The following NFRKB variants were observed in gnomAD, a reference collection of about 807,000 sequenced individuals.
The protein encoded by NFRKB is nuclear factor related to kappa-B-binding protein.
In NFRKB, 62 loss-of-function variants were observed where a neutral mutation model predicts 135.7. The observed-to-expected ratio is 0.46, with a 90% CI of 0.37 to 0.56. NFRKB has a LOEUF of 0.56. NFRKB is among the 20% of genes least tolerant of loss of function. The pLI, the probability that NFRKB is intolerant of heterozygous loss-of-function variation, is 0.00. For missense variants in NFRKB, 1,545 were observed against 1,662.0 expected (o/e 0.93, Z 1.22); for synonymous variants, 678 against 635.6 (o/e 1.07, Z -1.00).
chr11:129,863,973 C>T lies in NFRKB; in HGVS notation c.*752G>A, dbSNP rs1402907651. 1 of 152,278 alleles carries T rather than the reference C, an allele frequency of 6.6e-6. No individual in the cohort carries two copies. Among genetic ancestry groups the T allele is most frequent in the African/African-American group, 2.4e-5 (1 of 41,452 alleles). The allele number at this position is 152,278 out of a possible 1,614,324, so 9.4% of individuals were successfully genotyped here. A position where few individuals can be genotyped will look rare whatever the true frequency, so the allele number is the denominator to read the frequency against. Reference sequence around the variant, plus strand: ...TGGACGTCCATGTGAACAGGCTTGCCAAGAAGGACAAAGTGGGCAGGTAAA... The same window carrying T: ...TGGACGTCCATGTGAACAGGCTTGCTAAGAAGGACAAAGTGGGCAGGTAAA... On this transcript the variant is annotated 3_prime_UTR_variant, in exon 27 of 27. Coordinates refer to ENST00000682444, the MANE Select transcript of NFRKB (RefSeq NM_001143835.2).
intron 1 of NFRKB, among the ~76,000 whole-genome samples, 165 bp from the exon 2 acceptor site, chr11:129,894,603 C>T (rs779958755): frequency 6.6e-6 from 1 of 152,196 alleles, no homozygotes; most frequent in Admixed American, 6.5e-5. Flanking sequence ...GATTTCAGAT[C>T]CATGTAAAGA....
intron 3 of NFRKB, 107 bp downstream of exon 3, chr11:129,892,608 A>G (rs545047413): frequency 1.5e-5 from 18 of 1,218,884 alleles, no homozygotes; most frequent in Admixed American, 4.2e-5. Context: ...TAGAAAATGA[A>G]CAAAAGGGAG....
Position 129,885,301 on chromosome 11 carries a change from C to T in NFRKB, c.640+134G>A, listed in dbSNP as rs906115375. 6.1e-6 allele frequency: 6 copies of T among 991,696 alleles called. No individual in the cohort carries two copies. In the African/African-American group the frequency reaches 6.6e-5, roughly 11 times the overall value. 61.4% of individuals were successfully genotyped at this position (991,696 alleles called of 1,614,324 possible). The stretch of plus-strand genomic sequence containing the variant: ...AAAGACCAAGGCCTTCTGAGTCCCG[C>T]TATGCACCCCAGACCAGACAACTCA... On this transcript the variant is annotated intron_variant, in intron 6 of 26. Transcript: ENST00000682444.
At chr11:129,891,279 G>A (rs756053231) in intron 3 of NFRKB, among the ~76,000 whole-genome samples, 4 of 152,192 alleles carry the variant, frequency 2.6e-5, no homozygotes, top group Non-Finnish European at 5.9e-5. Context: ...CCTCTCCCAT[G>A]CACCAATACG....
chr11:129,886,386 G>A lies in NFRKB; in HGVS notation c.396C>T (p.Tyr132=), dbSNP rs755217702. 5 of 1,613,994 alleles carry A rather than the reference G, an allele frequency of 3.1e-6. No individual in the cohort carries two copies. The African/African-American group carries it at 6.7e-5, about 22-fold the overall frequency. ...GCTGCTGGGAGTTGAGGTAGCGCTT[G>A]TACTGTGACTTGAAGCATAACTGCC... ...KYRQLCFKSQ[Y]KRYLNSQQQY... The change falls in exon 5 of 27, where the codon TAC becomes TAT. Residue 132 remains tyrosine (Y), a synonymous_variant. Coordinates refer to ENST00000682444, the MANE Select transcript of NFRKB (RefSeq NM_001143835.2).
chr11:129,878,278 A>T, intron 15 of NFRKB, 31 bp downstream of exon 15: 1 of 1,610,208 alleles, frequency 6.2e-7, no homozygotes, highest in Non-Finnish European at 8.5e-7. Flanking sequence ...GTTTCCCAGG[A>T]CACCACCCAC....
rs751817059 is a variant in NFRKB, at chr11:129,877,420, G to A, written c.1512-35C>T. ...AAAGAATTCTGTATCAACCCTGACA[G>A]CTGGCACGTGTGTCAGACCCATTGC... On this transcript the variant is annotated intron_variant, in intron 15 of 26. Transcript: ENST00000682444. 1.1e-5 allele frequency: 17 copies of A among 1,594,028 alleles called. No homozygotes were observed. The South Asian group carries it at 1.8e-4, about 17-fold the overall frequency.
At position 129,892,874 on chromosome 11, in the gene NFRKB, G is replaced by A. The variant is rs149743835; in HGVS notation, c.-21-4C>T. ...TTGTTTCTTCTCCACAGGTACTCTG[G>A]ACAAAGACATGCATCTTGAGACAGA... On this transcript the variant is annotated splice_region_variant and splice_polypyrimidine_tract_variant and intron_variant, in intron 2 of 26. Transcript: ENST00000682444. The A allele has an allele frequency of 6.2e-7, 1 of 1,614,056 alleles. No individual in the cohort carries two copies. The highest frequency in any genetic ancestry group is 8.5e-7 in the Non-Finnish European group (1 of 1,180,042).
chr11:129,874,059 C>A lies in NFRKB; in HGVS notation c.2280-44G>T. On this transcript the variant is annotated intron_variant, in intron 21 of 26. Transcript: ENST00000682444. The surrounding 1 kb of genome is among the most constrained non-coding windows in gnomAD (Gnocchi z 4.5). ...AAAGACAAAAAACAAAAACTTAGGACATGCATACAAAAGAACTCTAGAACG... is the reference window on the plus strand; with the variant it reads ...AAAGACAAAAAACAAAAACTTAGGAAATGCATACAAAAGAACTCTAGAACG... 1 of 1,598,756 alleles carries A rather than the reference C, an allele frequency of 6.3e-7. No homozygotes were observed. Among genetic ancestry groups the A allele is most frequent in the Non-Finnish European group, 8.6e-7 (1 of 1,169,382 alleles).
In NFRKB at chr11:129,881,824, T is replaced by C. The variant is rs569377377; in HGVS notation, c.1221A>G (p.Ser407=). Residue 407 remains serine, a synonymous_variant, in exon 12 of 27, where the codon TCA becomes TCG. Transcript: ENST00000682444. ...MLEERVLDWQ[S]SPASSLNSWF... ...AGCTGTTGAGGGAGCTGGCTGGCGA[T>C]GACTGCCAATCCAAAACTCGCTCCT... 2.5e-6 allele frequency: 4 copies of C among 1,611,940 alleles called. No homozygotes were observed. The African/African-American group carries it at 4.0e-5, about 16-fold the overall frequency.
chr11:129,880,085 TAGG>T, intron 13 of NFRKB, among the ~76,000 whole-genome samples: 1 of 151,568 alleles, frequency 6.6e-6, no homozygotes, highest in Non-Finnish European at 1.5e-5. Flanking sequence ...TACTCAGGAG[TAGG>T]AGGAGGCAGG....
Position 129,874,354 on chromosome 11 carries a change from A to C in NFRKB, c.2059-21T>G. 6 of 1,519,052 alleles carry C rather than the reference A, an allele frequency of 3.9e-6. No homozygotes were observed. Among genetic ancestry groups the C allele is most frequent in the Non-Finnish European group, 5.3e-6 (6 of 1,136,434 alleles). The allele number at this position is 1,519,052 out of a possible 1,614,324, so 94.1% of individuals were successfully genotyped here. On this transcript the variant is annotated intron_variant, in intron 20 of 26. Transcript: ENST00000682444. This position sits in a 1 kb window ranked among gnomAD's most constrained non-coding sequence, Gnocchi z 4.5. The stretch of plus-strand genomic sequence containing the variant: ...GACTTCTAGAACGGAAGACAAAGAA[A>C]ACTCACCTGGTGTCGTGAAGATCCC...
rs1223452474 is a variant in NFRKB at position 129,870,156 on chromosome 11, G to A, written c.2869C>T (p.Pro957Ser). 11 of 1,614,108 alleles carry A rather than the reference G, an allele frequency of 6.8e-6. No individual in the cohort carries two copies. Among genetic ancestry groups the A allele is most frequent in the African/African-American group, 2.7e-5 (2 of 74,950 alleles). Residue 957 changes from proline to serine, a missense_variant, in exon 24 of 27, where the codon CCC becomes TCC. Physicochemically the swap from Pro to Ser is moderately conservative, Grantham distance 74 (BLOSUM62 -1). This residue lies in a region of NFRKB where 753 missense variants were observed against 804.3 expected (regional missense o/e 0.94). Coordinates refer to ENST00000682444, the MANE Select transcript of NFRKB (RefSeq NM_001143835.2). ...IQGKDVLRLP[P>S]SSITTDAKGQ... is the part of the protein sequence containing the mutation. ...TTGGCATCTGTGGTGATGGAAGAGG[G>A]CGGCAGACGCAATACATCCTTACCC...
intron 4 of NFRKB, among the ~76,000 whole-genome samples, chr11:129,888,062 A>G (rs1949365299): frequency 6.6e-6 from 1 of 152,192 alleles, no homozygotes; most frequent in East Asian, 1.9e-4. Flanking sequence ...AAATTTGAAC[A>G]TGAAATAGCC....
In NFRKB at chr11:129,881,946, G is replaced by A. The variant is rs992281477; in HGVS notation, c.1192-93C>T. On this transcript the variant is annotated intron_variant, in intron 11 of 26. Coordinates refer to ENST00000682444, the MANE Select transcript of NFRKB (RefSeq NM_001143835.2). ...ACCACAACCTGCAGTATATGCATCCGGTGTTTGTCCGAATCACAAAGCAAG... is the reference window on the plus strand; with the variant it reads ...ACCACAACCTGCAGTATATGCATCCAGTGTTTGTCCGAATCACAAAGCAAG... The A allele has an allele frequency of 3.4e-5, 51 of 1,512,584 alleles. No homozygotes were observed. The African/African-American group carries it at 4.9e-4, about 14-fold the overall frequency. The allele number at this position is 1,512,584 out of a possible 1,614,324, so 93.7% of individuals were successfully genotyped here. A position where few individuals can be genotyped will look rare whatever the true frequency, so the allele number is the denominator to read the frequency against.
intron 7 of NFRKB, 100 bp downstream of exon 7, chr11:129,884,645 T>C (rs1949185504): frequency 2.2e-6 from 3 of 1,350,758 alleles, no homozygotes; most frequent in African/African-American, 1.5e-5. Flanking sequence ...TTTGTTTTCC[T>C]GGTAGGTAGG....
chr11:129,873,036 C>G lies in NFRKB; in HGVS notation c.2611G>C (p.Gly871Arg). 1 of 1,614,012 alleles carries G rather than the reference C, an allele frequency of 6.2e-7. No individual in the cohort carries two copies. The highest frequency in any genetic ancestry group is 1.1e-5 in the South Asian group (1 of 91,072). The change falls in exon 23 of 27, where the codon GGA (glycine) becomes CGA (arginine). Residue 871 changes from glycine to arginine, a missense_variant. Physicochemically the swap from Gly to Arg is moderately radical, Grantham distance 125. Transcript: ENST00000682444. ...ACCGTGAGCCCTGTCTGCCCGGGTC[C>G]AGGCCGCTGCACAGTGGCTGCCGTA... ...QTTAATVQRP[G>R]PGQTGLTVTS... is the part of the protein sequence containing the mutation.
At chr11:129,881,341 T>A (rs1949015813) in intron 13 of NFRKB, 102 bp downstream of exon 13, 1 of 1,230,816 alleles carries the variant, frequency 8.1e-7, no homozygotes, top group Non-Finnish European at 1.2e-6. Flanking sequence ...TATTGCTTTT[T>A]AAAACCAATC....
At chr11:129,872,061 GCTTT>G (rs772231745) in intron 23 of NFRKB, among the ~76,000 whole-genome samples, 4 of 152,046 alleles carry the variant, frequency 2.6e-5, no homozygotes, top group South Asian at 2.1e-4. Flanking sequence ...TTCATGGCAC[GCTTT>G]CTTTCATCTC....
Sources: gnomAD v4.1 joint callset for allele counts (sites outside exome capture counted in the v4.1 genomes callset) on GRCh38, gnomAD v4.1.1 for gene constraint, gnomAD v4.1.1 regional missense constraint, Gnocchi (gnomAD v3.1) non-coding constraint, MANE v1.5 for transcripts, NCBI Gene and HGNC (gene_info 2026-07-23, HGNC 2026-07-21) for gene names.